The following ZFAT variants were observed in gnomAD, a reference collection of about 807,000 sequenced individuals.
ZFAT encodes zinc finger and AT-hook domain containing, also known as zinc finger protein ZFAT.
A neutral mutation model predicts 117.7 loss-of-function variants in ZFAT; 64 were observed. The observed-to-expected ratio is 0.54, with a 90% CI of 0.44 to 0.67. The LOEUF is 0.67. ZFAT is among the 30% of genes least tolerant of loss of function. ZFAT has a pLI of 0.00. For synonymous variants in ZFAT, 679 were observed against 615.0 expected (o/e 1.10, Z -1.54); for missense variants, 1,433 against 1,584.5 (o/e 0.90, Z 1.62).
At chr8:134,537,261 C>A (rs1821908875) in intron 11 of ZFAT, among the ~76,000 whole-genome samples, 1 of 152,202 alleles carries the variant, frequency 6.6e-6, no homozygotes, top group Non-Finnish European at 1.5e-5. Flanking sequence ...AGTCTCCCAG[C>A]CTGGTTACTT....
At chr8:134,618,789 T>C (rs1291001248) in intron 3 of ZFAT, among the ~76,000 whole-genome samples, 1 of 152,210 alleles carries the variant, frequency 6.6e-6, no homozygotes, top group African/African-American at 2.4e-5. Context: ...CACTATAGCA[T>C]TTATTTTCTC....
chr8:134,830,017 A>T, the ZFAT span, among the ~76,000 whole-genome samples: 1 of 152,228 alleles, frequency 6.6e-6, no homozygotes, highest in African/African-American at 2.4e-5. Context: ...CGCACAGCCC[A>T]AATCACTTTC....
chr8:134,581,764 T>C (rs1688237037), intron 10 of ZFAT, among the ~76,000 whole-genome samples: 2 of 152,316 alleles, frequency 1.3e-5, no homozygotes, highest in South Asian at 4.1e-4. Context: ...TTTTGTATTT[T>C]TGGTAGAGGC....
chr8:134,513,197 CTTTTTTT>C (rs763874079), intron 13 of ZFAT, among the ~76,000 whole-genome samples: 1 of 133,000 alleles, frequency 7.5e-6, no homozygotes, highest in Non-Finnish European at 1.6e-5. Context: ...GCTATTTGTG[CTTTTTTT>C]TTTTTTTTTT....
At chr8:134,803,866 A>G in the ZFAT span, among the ~76,000 whole-genome samples, 1 of 152,244 alleles carries the variant, frequency 6.6e-6, no homozygotes, top group African/African-American at 2.4e-5. Context: ...ATAAGCATGT[A>G]AATACATTAG....
the ZFAT span, chr8:134,792,225 T>C: frequency 1.3e-5 from 2 of 152,214 alleles, no homozygotes; most frequent in African/African-American, 4.8e-5. Context: ...TTTGTATTAA[T>C]TGTATTGGGA....
chr8:134,652,831 T>C (rs1396361653), intron 2 of ZFAT, among the ~76,000 whole-genome samples: 2 of 152,198 alleles, frequency 1.3e-5, no homozygotes, highest in South Asian at 2.1e-4. Flanking sequence ...AGAATATAAA[T>C]GGATAAAACC....
At position 134,478,433 on chromosome 8, in the gene ZFAT, T is replaced by C; in HGVS notation, c.*49A>G. 6.5e-7 allele frequency: 1 copy of C among 1,533,422 alleles called. No individual in the cohort carries two copies. The highest frequency in any genetic ancestry group is 8.8e-7 in the Non-Finnish European group (1 of 1,136,706). 95.0% of individuals were successfully genotyped at this position (1,533,422 alleles called of 1,614,324 possible). ...GGGTGGCCTCCCCACCCTGGGTGCCTGCAGAGCCTGGCAGCCCCGCCCTGT... is the reference window on the plus strand; with the variant it reads ...GGGTGGCCTCCCCACCCTGGGTGCCCGCAGAGCCTGGCAGCCCCGCCCTGT... On this transcript the variant is annotated 3_prime_UTR_variant, in exon 16 of 16. Transcript: ENST00000377838. The surrounding 1 kb of genome is among the most constrained non-coding windows in gnomAD (Gnocchi z 5.2).
chr8:134,825,055 T>C, the ZFAT span, among the ~76,000 whole-genome samples: 1 of 152,226 alleles, frequency 6.6e-6, no homozygotes, highest in Non-Finnish European at 1.5e-5. Flanking sequence ...TTCCACCTTA[T>C]AAAATTTGGA....
the ZFAT span, among the ~76,000 whole-genome samples, chr8:134,823,220 A>G: frequency 6.6e-6 from 1 of 152,220 alleles, no homozygotes; most frequent in African/African-American, 2.4e-5. Context: ...ATACCTCAGT[A>G]GAGATAGCAG....
chr8:134,533,099 T>G (rs1271716768), intron 11 of ZFAT, 127 bp from the exon 12 acceptor site: 2 of 1,382,060 alleles, frequency 1.4e-6, no homozygotes, highest in Non-Finnish European at 1.9e-6. Context: ...ACCTGTGATA[T>G]GTTCTAGGGA....
In ZFAT at chr8:134,581,787, T is replaced by C. The variant is rs568573911; in HGVS notation, c.2887+2045A>G. Among the ~76,000 whole-genome samples the C allele has an allele frequency of 2.0e-5, 3 of 152,328 alleles. No homozygotes were observed. In the South Asian group the frequency reaches 6.2e-4, roughly 32 times the overall value. ...TTTTGGTAGAGGCAGGGTTTCACCATGTTTCCCAGGCTGGTCTCAAACTCC... is the reference window on the plus strand; with the variant it reads ...TTTTGGTAGAGGCAGGGTTTCACCACGTTTCCCAGGCTGGTCTCAAACTCC... On this transcript the variant is annotated intron_variant, in intron 10 of 15. Coordinates refer to ENST00000377838, the MANE Select transcript of ZFAT (RefSeq NM_020863.4).
intron 7 of ZFAT, chr8:134,594,739 G>A (rs1826797478): frequency 6.6e-6 from 1 of 152,124 alleles, no homozygotes; most frequent in Non-Finnish European, 1.5e-5. Flanking sequence ...TCATTTCCAG[G>A]GGATTTGTTA....
intron 12 of ZFAT, among the ~76,000 whole-genome samples, chr8:134,526,342 T>C (rs1821024198): frequency 6.6e-6 from 1 of 152,232 alleles, no homozygotes; most frequent in Non-Finnish European, 1.5e-5. Context: ...TGTATAACTA[T>C]GCCAGTTAAT....
chr8:134,641,704 C>T (rs1292531840), intron 2 of ZFAT, among the ~76,000 whole-genome samples: 1 of 152,200 alleles, frequency 6.6e-6, no homozygotes, highest in Admixed American at 6.5e-5. Flanking sequence ...AATAAGTACA[C>T]ACTGATCCAC....
chr8:134,529,025 T>C (rs750373577), intron 12 of ZFAT, among the ~76,000 whole-genome samples: 2 of 152,220 alleles, frequency 1.3e-5, no homozygotes, highest in Non-Finnish European at 2.9e-5. Context: ...GAATGATATC[T>C]AATCTTTGCA....
chr8:134,509,777 C>G, intron 14 of ZFAT, 28 bp from the exon 15 acceptor site: 1 of 1,569,880 alleles, frequency 6.4e-7, no homozygotes, highest in East Asian at 2.2e-5. Flanking sequence ...AAGAGGACAC[C>G]ATTCAGGCCA....
Position 134,583,833 on chromosome 8 carries a change from A to G in ZFAT, c.2886T>C (p.Asp962=), listed in dbSNP as rs760952068. The change falls in exon 10 of 16, where the codon GAT becomes GAC. Residue 962 remains aspartate (D), a splice_region_variant and synonymous_variant. Coordinates refer to ENST00000377838, the MANE Select transcript of ZFAT (RefSeq NM_020863.4). ...LKSHKLLHTA[D]GKQFKCTVCD... is the part of the protein sequence containing the mutation. The stretch of plus-strand genomic sequence containing the variant: ...GTTCACCTTGGGCCATTTACTCACC[A>G]TCTGCAGTGTGAAGGAGTTTGTGAC... 2 of 1,613,466 alleles carry G rather than the reference A, an allele frequency of 1.2e-6. No individual in the cohort carries two copies. The highest frequency in any genetic ancestry group is 2.7e-5 in the African/African-American group (2 of 74,918).
At chr8:134,559,578 A>T (rs1823907751) in intron 11 of ZFAT, among the ~76,000 whole-genome samples, 1 of 152,348 alleles carries the variant, frequency 6.6e-6, no homozygotes, top group Middle Eastern at 3.4e-3. Flanking sequence ...GAACACATGC[A>T]TTTGCAATTT....
Sources: gnomAD v4.1 joint callset for allele counts (sites outside exome capture counted in the v4.1 genomes callset) on GRCh38, gnomAD v4.1.1 for gene constraint, Gnocchi (gnomAD v3.1) non-coding constraint, MANE v1.5 for transcripts, NCBI Gene and HGNC (gene_info 2026-07-23, HGNC 2026-07-21) for gene names.